The following CHRNB3 variants were observed in gnomAD, a reference collection of about 807,000 sequenced individuals.
CHRNB3 encodes the protein neuronal acetylcholine receptor subunit beta-3.
CHRNB3 carries 37 observed loss-of-function variants against 40.6 expected under a neutral mutation model. The ratio of observed to expected loss-of-function variants is 0.91; its 90% CI spans 0.70 to 1.20. The LOEUF (loss-of-function observed/expected upper bound fraction) is 1.20, where lower values mean the gene tolerates loss of function less well. Ranked by LOEUF, CHRNB3 falls within the 50% of genes most tolerant of loss-of-function variation. The pLI, the probability that CHRNB3 is intolerant of heterozygous loss-of-function variation, is 0.00. For synonymous variants in CHRNB3, 207 were observed against 207.1 expected, an observed-to-expected ratio of 1.00 and a Z score of 0.00; for missense variants, 505 against 551.2, an observed-to-expected ratio of 0.92 and a Z score of 0.84.
At chr8:42,720,100 T>C in intron 3 of CHRNB3, among the ~76,000 whole-genome samples, 1 of 112,664 alleles carries the variant, frequency 8.9e-6, no homozygotes, top group African/African-American at 3.2e-5. Context: ...CCTGCCCCAC[T>C]CAGAAGCCTT....
At chr8:42,703,774 A>G (rs1815870374) in intron 1 of CHRNB3, among the ~76,000 whole-genome samples, 2 of 152,038 alleles carry the variant, frequency 1.3e-5, no homozygotes, top group Admixed American at 6.6e-5. Context: ...TTCATCAAAC[A>G]TCATCAAATA....
intron 3 of CHRNB3, among the ~76,000 whole-genome samples, chr8:42,722,296 C>T (rs902966924): frequency 2.0e-5 from 3 of 151,662 alleles, no homozygotes; most frequent in Non-Finnish European, 2.9e-5. Flanking sequence ...ACCCAGGAAG[C>T]GGAGGTTGCA....
intron 3 of CHRNB3, among the ~76,000 whole-genome samples, chr8:42,722,382 G>GAA (rs201657442): frequency 6.8e-6 from 1 of 147,932 alleles, no homozygotes; most frequent in Non-Finnish European, 1.5e-5. Flanking sequence ...AAAAAGAAAA[G>GAA]AAAAAAAAAA....
chr8:42,736,823 C>G lies in CHRNB3; in HGVS notation c.*205C>G, dbSNP rs1361853359. On this transcript the variant is annotated 3_prime_UTR_variant, in exon 6 of 6. Transcript: ENST00000289957. ...TGAGCTGCTTTTAAAGAAAGTGGAG[C>G]CTCCTCAGACCCCTGCCTTGGCTTT... 3 of 618,432 alleles carry G rather than the reference C, an allele frequency of 4.9e-6. No homozygotes were observed. Among genetic ancestry groups the G allele is most frequent in the East Asian group, 2.8e-5 (1 of 35,328 alleles). The allele number at this position is 618,432 out of a possible 1,614,324, so 38.3% of individuals were successfully genotyped here.
intron 1 of CHRNB3, among the ~76,000 whole-genome samples, chr8:42,708,204 C>T (rs1288838341): frequency 1.3e-5 from 2 of 152,156 alleles, no homozygotes; most frequent in African/African-American, 2.4e-5. Context: ...TGGTGGCTCA[C>T]GCCTGTAATC....
chr8:42,720,501 A>G (rs1816203927), intron 3 of CHRNB3, among the ~76,000 whole-genome samples: 1 of 152,078 alleles, frequency 6.6e-6, no homozygotes. Context: ...TCTGTATCCC[A>G]TACCCAAACT....
rs1816307236 is a variant in CHRNB3, at chr8:42,726,244, G to T, written c.250-4350G>T. On this transcript the variant is annotated intron_variant, in intron 3 of 5. Transcript: ENST00000289957. ...GCTCTGCCATCTTTCTAGTGTTGCA[G>T]CTACTACTACTCAGTAATTAAGGCA... 5 of 729,256 alleles carry T rather than the reference G, an allele frequency of 6.9e-6. No homozygotes were observed. In the South Asian group the frequency reaches 7.7e-5, roughly 11 times the overall value. 45.2% of individuals were successfully genotyped at this position (729,256 alleles called of 1,614,324 possible). A position where few individuals can be genotyped will look rare whatever the true frequency, so the allele number is the denominator to read the frequency against.
intron 3 of CHRNB3, among the ~76,000 whole-genome samples, chr8:42,720,078 T>C (rs1357397865): frequency 3.5e-5 from 5 of 144,020 alleles, no homozygotes; most frequent in Non-Finnish European, 7.5e-5. Context: ...CAGCCTTCCT[T>C]CCCCACGCAA....
Position 42,728,789 on chromosome 8 carries a change from C to T in CHRNB3, c.250-1805C>T, listed in dbSNP as rs552026723. Among the ~76,000 whole-genome samples the T allele has an allele frequency of 1.8e-3, 281 of 152,208 alleles. 1 individual carries two copies. The highest frequency in any genetic ancestry group is 5.7e-3 in the African/African-American group (238 of 41,508). On this transcript the variant is annotated intron_variant, in intron 3 of 5. Coordinates refer to ENST00000289957, the MANE Select transcript of CHRNB3 (RefSeq NM_000749.5). ...CTTAATGCCTGCAGTTATTATACAG[C>T]TATTTGCATTAATAACTGTAAACCA...
chr8:42,726,305 A>G (rs1468258629), intron 3 of CHRNB3: 1 of 576,508 alleles, frequency 1.7e-6, no homozygotes, highest in Non-Finnish European at 3.0e-6. Context: ...ATTGGAAAGG[A>G]AGAAATAAAA....
intron 1 of CHRNB3, among the ~76,000 whole-genome samples, chr8:42,706,754 T>C (rs1815928918): frequency 6.6e-6 from 1 of 151,996 alleles, no homozygotes; most frequent in South Asian, 2.1e-4. Context: ...AGATCAGTTT[T>C]TGTTTATTAA....
At position 42,732,478 on chromosome 8, in the gene CHRNB3, T is replaced by C; in HGVS notation, c.1171T>C (p.Phe391Leu). 1 of 1,611,470 alleles carries C rather than the reference T, an allele frequency of 6.2e-7. No individual in the cohort carries two copies. Among genetic ancestry groups the C allele is most frequent in the Non-Finnish European group, 8.5e-7 (1 of 1,179,546 alleles). Residue 391 changes from phenylalanine (F) to leucine (L), a missense_variant, in exon 5 of 6, where the codon TTT becomes CTT. By Grantham distance (22) the Phe-to-Leu change is conservative. Coordinates refer to ENST00000289957, the MANE Select transcript of CHRNB3 (RefSeq NM_000749.5). ...TGATGGAGAAAAAGTTCTAGTTGCT[T>C]TTTTGGAAAAAGCTGCTGATTCCAT... ...LSDGEKVLVA[F>L]LEKAADSIRY...
chr8:42,731,755 A>G lies in CHRNB3; in HGVS notation c.448A>G (p.Lys150Glu), dbSNP rs1816425706. 1.2e-6 allele frequency: 2 copies of G among 1,614,108 alleles called. No individual in the cohort carries two copies. Among genetic ancestry groups the G allele is most frequent in the East Asian group, 4.5e-5 (2 of 44,884 alleles). ...TVVWTPPASY[K>E]SSCTMDVTFF... Reference sequence around the variant, plus strand: ...TGTCTGGACCCCTCCCGCCAGCTACAAAAGCTCCTGCACCATGGACGTCAC... The same window carrying G: ...TGTCTGGACCCCTCCCGCCAGCTACGAAAGCTCCTGCACCATGGACGTCAC... Residue 150 changes from lysine (K) to glutamate (E), a missense_variant, in exon 5 of 6, where the codon AAA (lysine) becomes GAA (glutamate). Coordinates refer to ENST00000289957, the MANE Select transcript of CHRNB3 (RefSeq NM_000749.5).
chr8:42,723,577 C>T (rs907322232), intron 3 of CHRNB3, among the ~76,000 whole-genome samples: 3 of 152,120 alleles, frequency 2.0e-5, no homozygotes, highest in Non-Finnish European at 2.9e-5. Context: ...AGCTTAAAGC[C>T]CATTAAGGCC....
intron 5 of CHRNB3, among the ~76,000 whole-genome samples, chr8:42,733,344 G>A (rs889169381): frequency 3.3e-5 from 5 of 152,074 alleles, no homozygotes; most frequent in African/African-American, 7.2e-5. Context: ...AAGAAGTAGC[G>A]TGGGAAGAGT....
chr8:42,720,227 T>C (rs1816197085), intron 3 of CHRNB3, among the ~76,000 whole-genome samples: 1 of 144,250 alleles, frequency 6.9e-6, no homozygotes, highest in Admixed American at 7.3e-5. Context: ...GAGATTCTCC[T>C]GCCTCAGCCT....
intron 3 of CHRNB3, among the ~76,000 whole-genome samples, chr8:42,722,257 G>A (rs894273240): frequency 4.6e-5 from 7 of 152,064 alleles, no homozygotes; most frequent in Middle Eastern, 3.4e-3. Flanking sequence ...CCCATCTACC[G>A]GAGAGGCTGG....
intron 3 of CHRNB3, among the ~76,000 whole-genome samples, chr8:42,722,880 G>T (rs1406943748): frequency 6.6e-6 from 1 of 152,102 alleles, no homozygotes. Flanking sequence ...CCTCTTGGGG[G>T]AGGGATGGCT....
intron 2 of CHRNB3, among the ~76,000 whole-genome samples, 198 bp from the exon 3 acceptor site, chr8:42,710,192 G>A (rs1269252505): frequency 3.3e-5 from 5 of 152,130 alleles, no homozygotes; most frequent in Non-Finnish European, 7.3e-5. Flanking sequence ...GTGGTGGCGT[G>A]CACTTATAGT....
Sources: allele counts gnomAD v4.1 joint callset (sites outside exome capture counted in the v4.1 genomes callset), GRCh38; gene constraint gnomAD v4.1.1; transcripts MANE v1.5; gene names NCBI Gene and HGNC (gene_info 2026-07-23, HGNC 2026-07-21).